The following GSE1 variants were observed in gnomAD, a reference collection of about 807,000 sequenced individuals.
The protein encoded by GSE1 is genetic suppressor element 1.
GSE1 carries 32 observed loss-of-function variants against 112.6 expected under a neutral mutation model. That is an observed-to-expected ratio of 0.28 (90% CI 0.21 to 0.38). The LOEUF is 0.38. GSE1 is among the 10% of genes least tolerant of loss of function. GSE1 has a pLI of 1.00. For synonymous variants in GSE1, 1,115 were observed against 735.6 expected (o/e 1.52, Z -8.35); for missense variants, 2,348 against 1,699.2 (o/e 1.38, Z -6.71).
rs142995931 is a variant in GSE1 at position 85,431,401 on chromosome 16, T to C, written c.2464+73758T>C. Among the ~76,000 whole-genome samples the C allele has an allele frequency of 2.4e-3, 369 of 152,362 alleles. 1 individual carries two copies. Among genetic ancestry groups the C allele is most frequent in the Middle Eastern group, 6.8e-3 (2 of 294 alleles). On this transcript the variant is annotated intron_variant, in intron 2 of 2. Coordinates refer to the GSE1 transcript ENST00000637419. ...GTCCAGATTTTTCTGTCAAATCTGA[T>C]TTTTAAATGTTGGCAACTAATGCGA...
chr16:85,553,591 C>T (rs1471717824), upstream of GSE1, among the ~76,000 whole-genome samples: 1 of 152,052 alleles, frequency 6.6e-6, no homozygotes, highest in African/African-American at 2.4e-5. Flanking sequence ...CTCCTCGCAC[C>T]CCGGCGGTCG....
chr16:85,553,424 C>T (rs2045033623), upstream of GSE1, among the ~76,000 whole-genome samples: 1 of 151,766 alleles, frequency 6.6e-6, no homozygotes, highest in Non-Finnish European at 1.5e-5. Context: ...CGGGGCGGAG[C>T]AGCCAGAGGT....
chr16:85,180,449 C>G (rs2074559417), intron 1 of GSE1, among the ~76,000 whole-genome samples: 1 of 152,232 alleles, frequency 6.6e-6, no homozygotes, highest in Admixed American at 6.5e-5. Flanking sequence ...CCTCCACTCC[C>G]AAGCCCTCGG....
chr16:85,344,065 C>T (rs943983140), intron 1 of GSE1, among the ~76,000 whole-genome samples: 11 of 152,290 alleles, frequency 7.2e-5, no homozygotes, highest in South Asian at 2.1e-4. Flanking sequence ...GTGCTGAGGA[C>T]GCCGTGCCAG....
At chr16:85,584,285 A>C (rs1338613535) in intron 1 of GSE1, among the ~76,000 whole-genome samples, 1 of 152,118 alleles carries the variant, frequency 6.6e-6, no homozygotes, top group Admixed American at 6.5e-5. Context: ...CTCCCAGCTG[A>C]GAACTGGCTA....
chr16:85,562,999 T>C (rs2045590668), intron 1 of GSE1, among the ~76,000 whole-genome samples: 2 of 152,194 alleles, frequency 1.3e-5, no homozygotes, highest in African/African-American at 4.8e-5. Context: ...TGGGATCCCC[T>C]CTTAGGGGAC....
At chr16:85,195,908 A>T (rs2074917775) in intron 1 of GSE1, among the ~76,000 whole-genome samples, 1 of 152,026 alleles carries the variant, frequency 6.6e-6, no homozygotes, top group African/African-American at 2.4e-5. Context: ...CTGGTCTGAT[A>T]CCTTTGGGGC....
At chr16:85,638,174 CCT>C (rs1414811902) in intron 2 of GSE1, among the ~76,000 whole-genome samples, 1 of 152,236 alleles carries the variant, frequency 6.6e-6, no homozygotes, top group Non-Finnish European at 1.5e-5. Context: ...CCGCGTCTCT[CCT>C]CTCATTGTGT....
chr16:85,652,190 G>A (rs2051418463), intron 3 of GSE1, among the ~76,000 whole-genome samples: 2 of 152,234 alleles, frequency 1.3e-5, no homozygotes, highest in Admixed American at 1.3e-4. Flanking sequence ...TCATAGCCGT[G>A]CCATCAACTC....
chr16:85,606,115 C>T (rs1029820488), intron 1 of GSE1, among the ~76,000 whole-genome samples: 2 of 152,214 alleles, frequency 1.3e-5, no homozygotes, highest in African/African-American at 2.4e-5. Flanking sequence ...TGCCGTGGCA[C>T]AGCCCACTCC....
At chr16:85,357,666 T>A in intron 2 of GSE1, 1 of 1,281,350 alleles carries the variant, frequency 7.8e-7, no homozygotes, top group South Asian at 1.2e-5. Flanking sequence ...TCTTTTTGTA[T>A]CTCTGGGTAC....
intron 1 of GSE1, among the ~76,000 whole-genome samples, chr16:85,629,020 A>G (rs1358711237): frequency 6.6e-6 from 1 of 152,152 alleles, no homozygotes; most frequent in African/African-American, 2.4e-5. Context: ...AGTGGTGAGC[A>G]CGCTCTCGCA....
intron 1 of GSE1, among the ~76,000 whole-genome samples, chr16:85,619,813 C>T (rs1425206155): frequency 6.6e-6 from 1 of 152,276 alleles, no homozygotes; most frequent in South Asian, 2.1e-4. Flanking sequence ...CCCATTTAGC[C>T]ATGCACCAGG....
chr16:85,534,146 G>A (rs2044241590), intron 2 of GSE1, among the ~76,000 whole-genome samples: 1 of 139,862 alleles, frequency 7.1e-6, no homozygotes, highest in Non-Finnish European at 1.5e-5. Flanking sequence ...TTTTGAGATG[G>A]AGTTTTGCTC....
At chr16:85,202,867 C>G (rs2075052874) in intron 1 of GSE1, among the ~76,000 whole-genome samples, 1 of 152,202 alleles carries the variant, frequency 6.6e-6, no homozygotes, top group Non-Finnish European at 1.5e-5. Flanking sequence ...TGCGCTCGCC[C>G]TGGAGACAGG....
At chr16:85,225,912 C>T (rs2075477488) in intron 1 of GSE1, among the ~76,000 whole-genome samples, 2 of 152,180 alleles carry the variant, frequency 1.3e-5, no homozygotes, top group Admixed American at 6.5e-5. Context: ...GCTGTGGTCT[C>T]ATCTGAAGGC....
At chr16:85,382,596 G>A (rs550508958) in intron 2 of GSE1, among the ~76,000 whole-genome samples, 4 of 152,270 alleles carry the variant, frequency 2.6e-5, no homozygotes, top group African/African-American at 4.8e-5. Context: ...GCCCACACCC[G>A]GAGATGCTGG....
chr16:85,500,530 C>T (rs149251609), intron 2 of GSE1, among the ~76,000 whole-genome samples: 1,834 of 152,354 alleles, frequency 0.012, 22 homozygotes, highest in Non-Finnish European at 0.021. Context: ...ATGGGAACTG[C>T]GCACCAAGGG....
At chr16:85,540,774 G>T (rs183373990) in intron 2 of GSE1, among the ~76,000 whole-genome samples, 49 of 152,208 alleles carry the variant, frequency 3.2e-4, no homozygotes, top group African/African-American at 1.1e-3. Context: ...AGGTGAAGTG[G>T]CATGGGCCTG....
Sources: allele counts gnomAD v4.1 joint callset (sites outside exome capture counted in the v4.1 genomes callset), GRCh38; gene constraint gnomAD v4.1.1; transcripts MANE v1.5; gene names NCBI Gene and HGNC (gene_info 2026-07-23, HGNC 2026-07-21).